Variants in TUSC3 observed in about 807,000 individuals in gnomAD.
TUSC3 encodes dolichyl-diphosphooligosaccharide--protein glycosyltransferase subunit TUSC3.
A neutral mutation model predicts 44.8 loss-of-function variants in TUSC3; 45 were observed. That is an observed-to-expected ratio of 1.00 (90% CI 0.79 to 1.29). TUSC3 has a LOEUF of 1.29. Among genes scored for constraint, TUSC3 ranks in the 50% most tolerant of loss-of-function variants. The probability of loss-of-function intolerance (pLI) is 0.00; values close to 1 mark genes in which losing one functional copy is unlikely to be tolerated. For synonymous variants in TUSC3, 212 were observed against 152.9 expected (o/e 1.39, Z -2.85); for missense variants, 519 against 437.9 (o/e 1.19, Z -1.65).
the TUSC3 span, among the ~76,000 whole-genome samples, chr8:15,836,349 G>A: frequency 1.3e-5 from 2 of 151,272 alleles, no homozygotes; most frequent in South Asian, 2.1e-4. Context: ...GCGCTGGCGG[G>A]TGCCTGTAAT....
At chr8:15,839,646 T>C in the TUSC3 span, among the ~76,000 whole-genome samples, 2 of 152,164 alleles carry the variant, frequency 1.3e-5, no homozygotes, top group Non-Finnish European at 2.9e-5. Flanking sequence ...TCACTGGCCA[T>C]CAGAGAAATG....
Position 15,566,542 on chromosome 8 carries a change from C to G in TUSC3, c.138+25974C>G, listed in dbSNP as rs571896301. ...AAGGAAAAAAGTTTACCACTTTTTTCATCATATATTCCTCAGAGGAGGTAT... is the reference window on the plus strand; with the variant it reads ...AAGGAAAAAAGTTTACCACTTTTTTGATCATATATTCCTCAGAGGAGGTAT... On this transcript the variant is annotated intron_variant, in intron 1 of 10. Transcript: ENST00000503731. Among the ~76,000 whole-genome samples the G allele has an allele frequency of 4.6e-5, 7 of 152,082 alleles. No individual in the cohort carries two copies. The East Asian group carries it at 1.2e-3, about 25-fold the overall frequency.
chr8:15,543,310 G>A (rs988431121), intron 1 of TUSC3, among the ~76,000 whole-genome samples: 33 of 152,126 alleles, frequency 2.2e-4, no homozygotes, highest in African/African-American at 7.0e-4. Context: ...TTCTAGAGGG[G>A]AAGCCAAACT....
chr8:15,513,180 A>G (rs923629832), intron 2 of TUSC3, among the ~76,000 whole-genome samples: 8 of 151,852 alleles, frequency 5.3e-5, no homozygotes, highest in Non-Finnish European at 1.0e-4. Context: ...TATGATAAAT[A>G]TCTCTAAAAC....
the TUSC3 span, among the ~76,000 whole-genome samples, chr8:15,846,196 A>T: frequency 1.3e-5 from 2 of 152,028 alleles, no homozygotes; most frequent in African/African-American, 2.4e-5. Context: ...AACCATATCA[A>T]CTCCGAGGGC....
the TUSC3 span, among the ~76,000 whole-genome samples, chr8:15,830,847 T>C: frequency 1.3e-5 from 2 of 152,100 alleles, no homozygotes; most frequent in Non-Finnish European, 2.9e-5. Context: ...AGCTTAAACC[T>C]CACCATTAGG....
At chr8:15,571,336 C>G (rs62504215) in intron 1 of TUSC3, among the ~76,000 whole-genome samples, 10,268 of 151,976 alleles carry the variant, frequency 0.068, 499 homozygotes, top group Non-Finnish European at 0.1. Flanking sequence ...TGGTGCCAGA[C>G]CACTATAATA....
At chr8:15,769,687 A>G (rs1174845190), downstream of TUSC3, among the ~76,000 whole-genome samples, 1 of 152,190 alleles carries the variant, frequency 6.6e-6, no homozygotes, top group Non-Finnish European at 1.5e-5. Context: ...CCATCTGACA[A>G]AGGGCTAATA....
At chr8:15,460,165 G>T (rs1434996312) in intron 1 of TUSC3, among the ~76,000 whole-genome samples, 3 of 152,102 alleles carry the variant, frequency 2.0e-5, no homozygotes, top group African/African-American at 7.2e-5. Context: ...GAGTGTAGAA[G>T]TGTTCCCTGA....
intron 1 of TUSC3, among the ~76,000 whole-genome samples, chr8:15,546,338 G>A (rs941236821): frequency 2.0e-5 from 3 of 151,772 alleles, no homozygotes; most frequent in Admixed American, 6.6e-5. Flanking sequence ...ATCACTTGCC[G>A]GTATAATACA....
At chr8:15,755,625 A>G (rs1811894452) in intron 9 of TUSC3, among the ~76,000 whole-genome samples, 1 of 152,096 alleles carries the variant, frequency 6.6e-6, no homozygotes, top group South Asian at 2.1e-4. Flanking sequence ...TATAATTCAC[A>G]AAAATGCAAA....
intron 6 of TUSC3, among the ~76,000 whole-genome samples, chr8:15,724,599 T>G (rs1056665859): frequency 1.3e-5 from 2 of 152,218 alleles, no homozygotes; most frequent in Admixed American, 1.3e-4. Flanking sequence ...CAATAATTTT[T>G]GTATTCATAA....
the TUSC3 span, among the ~76,000 whole-genome samples, chr8:15,790,130 G>C: frequency 6.7e-6 from 1 of 150,356 alleles, no homozygotes; most frequent in African/African-American, 2.5e-5. Flanking sequence ...GTAACGTCCT[G>C]GTTGTTGCCA....
chr8:15,644,734 T>G (rs1033044032), intron 2 of TUSC3, among the ~76,000 whole-genome samples: 1 of 152,238 alleles, frequency 6.6e-6, no homozygotes, highest in Admixed American at 6.5e-5. Context: ...GAGATATCAT[T>G]AATATTAAAA....
At chr8:15,837,217 T>A in the TUSC3 span, among the ~76,000 whole-genome samples, 67 of 95,480 alleles carry the variant, frequency 7.0e-4, no homozygotes, top group African/African-American at 1.8e-3. Context: ...AGGGATTATG[T>A]CTTTTTTTTT....
intron 1 of TUSC3, among the ~76,000 whole-genome samples, chr8:15,550,758 G>A (rs1173114156): frequency 6.6e-6 from 1 of 151,442 alleles, no homozygotes; most frequent in East Asian, 2.0e-4. Context: ...TGCAACCTCT[G>A]CCTCCCGGGT....
intron 7 of TUSC3, among the ~76,000 whole-genome samples, chr8:15,735,879 T>G (rs539060138): frequency 6.4e-4 from 26 of 40,800 alleles, no homozygotes; most frequent in East Asian, 2.8e-3. Flanking sequence ...GGTTTTTTTT[T>G]TTTGTTTTTT....
chr8:15,670,336 T>G (rs1807889733), intron 5 of TUSC3, among the ~76,000 whole-genome samples: 1 of 151,824 alleles, frequency 6.6e-6, no homozygotes, highest in Admixed American at 6.6e-5. Flanking sequence ...TCTTTAATAT[T>G]TATTCATTTC....
chr8:15,683,372 G>C (rs1271681821), intron 6 of TUSC3, among the ~76,000 whole-genome samples: 2 of 151,900 alleles, frequency 1.3e-5, no homozygotes, highest in Non-Finnish European at 2.9e-5. Flanking sequence ...TTATCTGACT[G>C]GGTTGATTTG....
Sources: gnomAD v4.1 joint callset for allele counts (sites outside exome capture counted in the v4.1 genomes callset) on GRCh38, gnomAD v4.1.1 for gene constraint, MANE v1.5 for transcripts, NCBI Gene and HGNC (gene_info 2026-07-23, HGNC 2026-07-21) for gene names.